Variants in ATXN1 observed in about 807,000 individuals in gnomAD.
ATXN1 encodes the protein ataxin-1.
In ATXN1, 8 loss-of-function variants were observed where a neutral mutation model predicts 56.4. That is an observed-to-expected ratio of 0.14 (90% CI 0.08 to 0.26). The LOEUF (loss-of-function observed/expected upper bound fraction) is 0.26, where lower values mean the gene tolerates loss of function less well. ATXN1 is among the 10% of genes least tolerant of loss of function. The probability of loss-of-function intolerance (pLI) is 1.00; values close to 1 mark genes in which losing one functional copy is unlikely to be tolerated. For synonymous variants in ATXN1, 514 were observed against 494.6 expected, an observed-to-expected ratio of 1.04 and a Z score of -0.52; for missense variants, 987 against 1,106.5, an observed-to-expected ratio of 0.89 and a Z score of 1.53.
rs538491361 is a variant in ATXN1, at chr6:16,460,845, T to G, written c.-161+25127A>C. Among the ~76,000 whole-genome samples, 4 of 152,322 alleles carry G rather than the reference T, an allele frequency of 2.6e-5. No homozygotes were observed. In the East Asian group the frequency reaches 7.7e-4, roughly 29 times the overall value. ...CTTCCCCCCACGGACCAGCGCCTAG[T>G]TAGCAGAACTTACCCAAGCCTTAGA... On this transcript the variant is annotated intron_variant, in intron 6 of 7. Transcript: ENST00000436367.
intron 6 of ATXN1, among the ~76,000 whole-genome samples, chr6:16,358,130 G>C (rs1761728898): frequency 6.6e-6 from 1 of 152,142 alleles, no homozygotes; most frequent in South Asian, 2.1e-4. Context: ...GAAGGGCGAA[G>C]ATGCAAAAAT....
chr6:16,675,895 T>A (rs1351782602), intron 2 of ATXN1, among the ~76,000 whole-genome samples: 3 of 151,508 alleles, frequency 2.0e-5, no homozygotes, highest in African/African-American at 7.3e-5. Context: ...TCTCAAAAAA[T>A]AAATAAATAA....
intron 6 of ATXN1, among the ~76,000 whole-genome samples, chr6:16,418,770 G>C (rs969551915): frequency 7.7e-6 from 1 of 130,546 alleles, no homozygotes; most frequent in Non-Finnish European, 1.5e-5. Flanking sequence ...CTGTGTCCAT[G>C]TGTTCTCATT....
rs35893990 is a variant in ATXN1 at position 16,604,754 on chromosome 6, T to TAA, written c.-488-18849_-488-18848dup. ...GCACACATCACCATGCCTGGCTGATTAAAAAAAAAAAATGTAGAGATGAGG... is the reference window on the plus strand; with the variant it reads ...GCACACATCACCATGCCTGGCTGATTAAAAAAAAAAAAAATGTAGAGATGAGG... On this transcript the variant is annotated intron_variant, in intron 3 of 7. Transcript: ENST00000436367. Among the ~76,000 whole-genome samples, 784 of 144,220 alleles carry TAA rather than the reference T, an allele frequency of 5.4e-3. 4 individuals are homozygous for TAA. The highest frequency in any genetic ancestry group is 0.03 in the East Asian group (151 of 4,984). 94.6% of individuals were successfully genotyped at this position (144,220 alleles called of 152,430 possible).
chr6:16,499,977 G>A (rs1760852434), intron 5 of ATXN1, among the ~76,000 whole-genome samples: 1 of 152,106 alleles, frequency 6.6e-6, no homozygotes, highest in Non-Finnish European at 1.5e-5. Flanking sequence ...TATGGCTCAG[G>A]CAATAGAATT....
chr6:16,446,474 G>A (rs927932354), intron 6 of ATXN1, among the ~76,000 whole-genome samples: 12 of 152,108 alleles, frequency 7.9e-5, no homozygotes, highest in African/African-American at 2.4e-4. Context: ...CAGCTTACTC[G>A]GGGCACTTCT....
intron 6 of ATXN1, among the ~76,000 whole-genome samples, chr6:16,393,485 T>C (rs913142091): frequency 6.6e-6 from 1 of 152,202 alleles, no homozygotes; most frequent in African/African-American, 2.4e-5. Context: ...TCTTCCTACC[T>C]TGGCCTTCCA....
chr6:16,357,928 C>T (rs1308632992), intron 6 of ATXN1, among the ~76,000 whole-genome samples: 1 of 152,138 alleles, frequency 6.6e-6, no homozygotes, highest in Non-Finnish European at 1.5e-5. Flanking sequence ...TTTAGCTTTA[C>T]GTGGCTCTAA....
chr6:16,406,037 A>G (rs1758679142), intron 6 of ATXN1, among the ~76,000 whole-genome samples: 1 of 152,168 alleles, frequency 6.6e-6, no homozygotes, highest in Admixed American at 6.5e-5. Context: ...AAAATACTAT[A>G]AACCTGTGTT....
intron 4 of ATXN1, among the ~76,000 whole-genome samples, chr6:16,533,721 GTCT>G (rs1228501252): frequency 2.6e-5 from 4 of 152,144 alleles, no homozygotes; most frequent in South Asian, 2.1e-4. Context: ...AGTAAGAGAA[GTCT>G]TCTTCTTTCC....
chr6:16,640,793 T>A (rs1374683715), intron 3 of ATXN1, among the ~76,000 whole-genome samples: 2 of 152,094 alleles, frequency 1.3e-5, no homozygotes, highest in African/African-American at 2.4e-5. Flanking sequence ...TCAATTTAAA[T>A]AAGAAAACTA....
intron 6 of ATXN1, among the ~76,000 whole-genome samples, chr6:16,446,420 C>T (rs1332425274): frequency 1.3e-5 from 2 of 152,222 alleles, no homozygotes; most frequent in South Asian, 2.1e-4. Flanking sequence ...TGGTTTCCCA[C>T]AGCCTTCCTT....
chr6:16,741,611 G>GTT (rs1760341537), intron 2 of ATXN1, among the ~76,000 whole-genome samples: 2 of 152,148 alleles, frequency 1.3e-5, no homozygotes, highest in Admixed American at 6.5e-5. Flanking sequence ...CAACAGCTGT[G>GTT]TTTGGTCATT....
Position 16,328,466 on chromosome 6 carries a change from G to GTT in ATXN1, c.-157_-156insAA. ...GGTACAATCCGCCAACAGCAGCTCT[G>GTT]GATGCTGGGAAAGGGAAGAGGGCAG... is the stretch of plus-strand genomic sequence containing the variant. On this transcript the variant is annotated 5_prime_UTR_variant, in exon 7 of 8. The change abolishes the stop of an existing upstream ORF in the 5' untranslated region. Coordinates refer to ENST00000436367, the MANE Select transcript of ATXN1 (RefSeq NM_001128164.2). This position sits in a 1 kb window ranked among gnomAD's most constrained non-coding sequence, Gnocchi z 6.2. 8.0e-7 allele frequency: 1 copy of GTT among 1,256,588 alleles called. No individual in the cohort carries two copies. The highest frequency in any genetic ancestry group is 1.0e-6 in the Non-Finnish European group (1 of 984,438). 77.8% of individuals were successfully genotyped at this position (1,256,588 alleles called of 1,614,324 possible).
intron 3 of ATXN1, among the ~76,000 whole-genome samples, chr6:16,656,038 T>A (rs1362292129): frequency 1.3e-5 from 2 of 149,462 alleles, no homozygotes; most frequent in Non-Finnish European, 3.0e-5. Context: ...TGCAGTGAAC[T>A]GAGACTGTGC....
chr6:16,664,493 TA>T (rs1758386012), intron 2 of ATXN1, among the ~76,000 whole-genome samples: 3 of 152,086 alleles, frequency 2.0e-5, no homozygotes, highest in Non-Finnish European at 4.4e-5. Flanking sequence ...AAAAGGAGGA[TA>T]AAAAAAGGTT....
intron 6 of ATXN1, among the ~76,000 whole-genome samples, chr6:16,412,101 G>A (rs1758811788): frequency 1.3e-5 from 2 of 152,178 alleles, no homozygotes; most frequent in Non-Finnish European, 2.9e-5. Flanking sequence ...AAATTCTGAG[G>A]TTGTAACGGA....
intron 4 of ATXN1, among the ~76,000 whole-genome samples, chr6:16,572,274 G>A (rs1413671493): frequency 2.0e-5 from 3 of 152,060 alleles, no homozygotes; most frequent in African/African-American, 4.8e-5. Context: ...CCTAATGACC[G>A]ACTGATACCA....
chr6:16,431,826 C>T (rs1365520156), intron 6 of ATXN1, among the ~76,000 whole-genome samples: 5 of 152,126 alleles, frequency 3.3e-5, no homozygotes, highest in South Asian at 2.1e-4. Context: ...TCAATACAGA[C>T]GATGTATTAA....
Sources: gnomAD v4.1 joint callset for allele counts (sites outside exome capture counted in the v4.1 genomes callset) on GRCh38, gnomAD v4.1.1 for gene constraint, Gnocchi (gnomAD v3.1) non-coding constraint, MANE v1.5 for transcripts, NCBI Gene and HGNC (gene_info 2026-07-23, HGNC 2026-07-21) for gene names.